CLCN7: variants seen among roughly 807,000 people sequenced by gnomAD.
The protein encoded by CLCN7 is Cl-/H+ antiporter 7.
Under a neutral mutation model 102.1 loss-of-function variants are expected in CLCN7, and 60 were observed. The ratio of observed to expected loss-of-function variants is 0.59; its 90% CI spans 0.48 to 0.73. CLCN7 has a LOEUF of 0.73. CLCN7 is among the 30% of genes least tolerant of loss of function. The probability of loss-of-function intolerance (pLI) is 0.00; values close to 1 mark genes in which losing one functional copy is unlikely to be tolerated. For missense variants in CLCN7, 962 were observed against 1,125.7 expected (o/e 0.85, Z 2.08); for synonymous variants, 560 against 490.5 (o/e 1.14, Z -1.87).
At position 1,449,095 on chromosome 16, in the gene CLCN7, T is replaced by TG; in HGVS notation, c.1670-3dup. ...TCAGTGTCATCCGCACAATCCCGCC[T>TG]GCGGGAGCCATCATGAACCCCAGCA... is the stretch of plus-strand genomic sequence containing the variant. On this transcript the variant is annotated splice_region_variant and splice_polypyrimidine_tract_variant and intron_variant, in intron 18 of 24. Transcript: ENST00000382745. 2 of 1,612,782 alleles carry TG rather than the reference T, an allele frequency of 1.2e-6. No individual in the cohort carries two copies. Among genetic ancestry groups the TG allele is most frequent in the Non-Finnish European group, 1.7e-6 (2 of 1,179,970 alleles).
intron 7 of CLCN7, among the ~76,000 whole-genome samples, chr16:1,458,050 A>G (rs2038866593): frequency 8.9e-6 from 1 of 111,864 alleles, no homozygotes; most frequent in Non-Finnish European, 1.9e-5. Flanking sequence ...CGCCCACCGC[A>G]TCCTACAGGC....
intron 1 of CLCN7, among the ~76,000 whole-genome samples, chr16:1,467,411 G>C (rs1477199287): frequency 2.0e-5 from 3 of 152,174 alleles, no homozygotes; most frequent in Non-Finnish European, 4.4e-5. Context: ...CTGCCACACG[G>C]GCTGACGGTG....
chr16:1,456,602 G>T (rs1047068044), intron 9 of CLCN7, among the ~76,000 whole-genome samples: 1 of 152,190 alleles, frequency 6.6e-6, no homozygotes, highest in Non-Finnish European at 1.5e-5. Flanking sequence ...ACTTTGGGAG[G>T]CCGAGGCAGG....
chr16:1,457,232 C>T lies in CLCN7; in HGVS notation c.822+22G>A, dbSNP rs1342376926. 6.2e-7 allele frequency: 1 copy of T among 1,609,114 alleles called. No individual in the cohort carries two copies. Among genetic ancestry groups the T allele is most frequent in the East Asian group, 2.2e-5 (1 of 44,840 alleles). On this transcript the variant is annotated intron_variant, in intron 9 of 24. Transcript: ENST00000382745. The surrounding 1 kb of genome is among the most constrained non-coding windows in gnomAD (Gnocchi z 5.4). ...CCGTGCCCATGGCATCTGGAGCCCA[C>T]CCACACAAGATTTCAACTCACCTTG...
Position 1,453,878 on chromosome 16 carries a change from T to C in CLCN7, c.1170A>G (p.Ala390=), listed in dbSNP as rs2235579. Residue 390 remains alanine, a synonymous_variant, in exon 14 of 25, where the codon GCA becomes GCG. Coordinates refer to ENST00000382745, the MANE Select transcript of CLCN7 (RefSeq NM_001287.6). ...GCCAGTAGTTCAAGGCATTGAACAC[T>C]GCTCCAAGCACACCGCCTGCGAACA... ...AMGVVGGVLG[A]VFNALNYWLT... The C allele has an allele frequency of 1.9e-6, 3 of 1,613,008 alleles. No homozygotes were observed. Among genetic ancestry groups the C allele is most frequent in the South Asian group, 2.2e-5 (2 of 91,094 alleles).
At chr16:1,459,078 C>T (rs1425283040) in intron 7 of CLCN7, 29 bp downstream of exon 7, 9 of 1,591,006 alleles carry the variant, frequency 5.7e-6, no homozygotes, top group Non-Finnish European at 7.7e-6. Flanking sequence ...GGCGCCCACC[C>T]TGCCCAGCCA....
Position 1,448,720 on chromosome 16 carries a change from T to C in CLCN7, c.1844A>G (p.His615Arg). 6.2e-7 allele frequency: 1 copy of C among 1,612,622 alleles called. No individual in the cohort carries two copies. The highest frequency in any genetic ancestry group is 1.3e-5 in the African/African-American group (1 of 74,994). ...GTGTGAGGTGACCGGGGCCTCCCAG[T>C]GCAGGAAGGGCACACTCTGCAGCTG... ...HIQLQSVPFL[H>R]WEAPVTSHSL... The change falls in exon 20 of 25, where the codon CAC (histidine) becomes CGC (arginine). Residue 615 changes from histidine (H) to arginine (R), a missense_variant. Around this residue, in one of 2 missense-constraint regions of CLCN7, gnomAD observed 799 missense variants for 988.0 expected, o/e 0.81. Coordinates refer to ENST00000382745, the MANE Select transcript of CLCN7 (RefSeq NM_001287.6).
At position 1,457,516 on chromosome 16, in the gene CLCN7, G is replaced by A. The variant is rs560091047; in HGVS notation, c.738+178C>T. On this transcript the variant is annotated intron_variant, in intron 8 of 24. Transcript: ENST00000382745. The surrounding 1 kb of genome is among the most constrained non-coding windows in gnomAD (Gnocchi z 5.4). ...GAGACCAGAAGGACCGGTGCTCAGA[G>A]ACACGCGTGACGCGGCCCTTCCTGG... The A allele has an allele frequency of 0.013, 8,328 of 642,860 alleles. 131 individuals are homozygous for A. The highest frequency in any genetic ancestry group is 0.022 in the South Asian group (1,340 of 61,894). The allele number at this position is 642,860 out of a possible 1,614,324, so 39.8% of individuals were successfully genotyped here. A position where few individuals can be genotyped will look rare whatever the true frequency, so the allele number is the denominator to read the frequency against.
chr16:1,460,780 C>T (rs114599498), intron 5 of CLCN7, 36 bp downstream of exon 5: 2 of 1,613,636 alleles, frequency 1.2e-6, no homozygotes, highest in South Asian at 2.2e-5. Context: ...GCCACGCCCC[C>T]CTCCCAAGCT....
rs375281048 is a variant in CLCN7, at chr16:1,447,532, G to A, written c.2110C>T (p.Arg704Trp). ...VERSNLGLVQ[R>W]RLRLKDFRDA... ...CGGAAGTCCTTCAGCCTCAGGCGCC[G>A]CTGTACCAGGCCCAGGTTGGACCGC... Residue 704 changes from arginine to tryptophan, a missense_variant, in exon 23 of 25, where the codon CGG becomes TGG. By Grantham distance (101) the Arg-to-Trp change is moderately radical. Coordinates refer to ENST00000382745, the MANE Select transcript of CLCN7 (RefSeq NM_001287.6). 253 of 1,555,484 alleles carry A rather than the reference G, an allele frequency of 1.6e-4. No individual in the cohort carries two copies. The highest frequency in any genetic ancestry group is 4.1e-5 in the African/African-American group (3 of 73,258).
Position 1,457,519 on chromosome 16 carries a change from ACG to A in CLCN7, c.738+173_738+174del. ...ACCAGAAGGACCGGTGCTCAGAGAC[ACG>A]CGTGACGCGGCCCTTCCTGGAGACC... On this transcript the variant is annotated intron_variant, in intron 8 of 24. Transcript: ENST00000382745. The surrounding 1 kb of genome is among the most constrained non-coding windows in gnomAD (Gnocchi z 5.4). 3 of 652,174 alleles carry A rather than the reference ACG, an allele frequency of 4.6e-6. No individual in the cohort carries two copies. Among genetic ancestry groups the A allele is most frequent in the Non-Finnish European group, 8.5e-6 (3 of 354,982 alleles). 40.4% of individuals were successfully genotyped at this position (652,174 alleles called of 1,614,324 possible). A position where few individuals can be genotyped will look rare whatever the true frequency, so the allele number is the denominator to read the frequency against.
intron 1 of CLCN7, among the ~76,000 whole-genome samples, chr16:1,473,326 T>C (rs901681412): frequency 1.3e-5 from 2 of 151,490 alleles, no homozygotes; most frequent in Non-Finnish European, 2.9e-5. Context: ...AAAACCTAAA[T>C]GTAGGTTCTA....
chr16:1,450,475 C>A, intron 17 of CLCN7, 22 bp downstream of exon 17: 1 of 1,578,768 alleles, frequency 6.3e-7, no homozygotes, highest in East Asian at 2.3e-5. Flanking sequence ...GGCCCCACAG[C>A]CTCCCCTCCG....
In CLCN7 at chr16:1,457,422, C is replaced by T. The variant is rs569495063; in HGVS notation, c.739-85G>A. On this transcript the variant is annotated intron_variant, in intron 8 of 24. Coordinates refer to ENST00000382745, the MANE Select transcript of CLCN7 (RefSeq NM_001287.6). The surrounding 1 kb of genome is among the most constrained non-coding windows in gnomAD (Gnocchi z 5.4). Reference sequence around the variant, plus strand: ...AGAAGGACCGATGCTCAGAGACACGCGTGACGCGGCCCTTCCTGGAGACCA... The same window carrying T: ...AGAAGGACCGATGCTCAGAGACACGTGTGACGCGGCCCTTCCTGGAGACCA... The T allele has an allele frequency of 2.9e-4, 330 of 1,154,840 alleles. No individual in the cohort carries two copies. Among genetic ancestry groups the T allele is most frequent in the Middle Eastern group, 6.5e-4 (3 of 4,648 alleles). The allele number at this position is 1,154,840 out of a possible 1,614,324, so 71.5% of individuals were successfully genotyped here. A position where few individuals can be genotyped will look rare whatever the true frequency, so the allele number is the denominator to read the frequency against.
In CLCN7 at chr16:1,448,391, G is replaced by A. The variant is rs182360535; in HGVS notation, c.1977C>T (p.Asn659=). 105 of 1,612,758 alleles carry A rather than the reference G, an allele frequency of 6.5e-5. No homozygotes were observed. The highest frequency in any genetic ancestry group is 3.6e-4 in the African/African-American group (27 of 75,048). The change falls in exon 21 of 25, where the codon AAC becomes AAT. Residue 659 remains asparagine (N), a synonymous_variant. Transcript: ENST00000382745. The part of the protein sequence containing the change: ...DVLSDTASNH[N]GFPVVEHADD... Reference sequence around the variant, plus strand: ...CGGCATGCTCCACCACGGGGAAGCCGTTGTGATTGGACGCCGTGTCGCTCA... The same window carrying A: ...CGGCATGCTCCACCACGGGGAAGCCATTGTGATTGGACGCCGTGTCGCTCA...
rs2038792793 is a variant in CLCN7 at position 1,453,886 on chromosome 16, G to C, written c.1162C>G (p.Leu388Val). The C allele has an allele frequency of 2.5e-6, 4 of 1,613,104 alleles. No individual in the cohort carries two copies. Among genetic ancestry groups the C allele is most frequent in the Non-Finnish European group, 3.4e-6 (4 of 1,180,044 alleles). ...FIAMGVVGGV[L>V]GAVFNALNYW... ...TTCAAGGCATTGAACACTGCTCCAA[G>C]CACACCGCCTGCGAACAGGGGAAAG... is the stretch of plus-strand genomic sequence containing the variant. The change falls in exon 14 of 25, where the codon CTT becomes GTT. Residue 388 changes from leucine to valine, a missense_variant. Around this residue, in one of 2 missense-constraint regions of CLCN7, gnomAD observed 799 missense variants for 988.0 expected, o/e 0.81. Transcript: ENST00000382745.
At chr16:1,461,699 G>A in intron 2 of CLCN7, 25 bp from the exon 3 acceptor site, 2 of 1,605,372 alleles carry the variant, frequency 1.2e-6, no homozygotes, top group Non-Finnish European at 1.7e-6. Flanking sequence ...GGCAAAGAGA[G>A]AAGCACAGTT....
At chr16:1,454,579 C>T (rs532417668) in intron 12 of CLCN7, 114 bp from the exon 13 acceptor site, 161 of 990,400 alleles carry the variant, frequency 1.6e-4, no homozygotes, top group Non-Finnish European at 2.3e-4. Flanking sequence ...AGAGCCTTCC[C>T]GCCCTTCCAC....
In CLCN7 at chr16:1,448,188, G is replaced by C. The variant is rs539741237; in HGVS notation, c.2013+167C>G. The C allele has an allele frequency of 8.4e-6, 8 of 948,008 alleles. No homozygotes were observed. The East Asian group carries it at 2.1e-4, about 25-fold the overall frequency. The allele number at this position is 948,008 out of a possible 1,614,324, so 58.7% of individuals were successfully genotyped here. A position where few individuals can be genotyped will look rare whatever the true frequency, so the allele number is the denominator to read the frequency against. Reference sequence around the variant, plus strand: ...CGCAGCCCCCCCCACCAGCCTCAGCGTCCACACAGCCCTCCATGGCTGCAC... The same window carrying C: ...CGCAGCCCCCCCCACCAGCCTCAGCCTCCACACAGCCCTCCATGGCTGCAC... On this transcript the variant is annotated intron_variant, in intron 21 of 24. Transcript: ENST00000382745.
Sources: gnomAD v4.1 joint callset for allele counts (sites outside exome capture counted in the v4.1 genomes callset) on GRCh38, gnomAD v4.1.1 for gene constraint, gnomAD v4.1.1 regional missense constraint, Gnocchi (gnomAD v3.1) non-coding constraint, MANE v1.5 for transcripts, NCBI Gene and HGNC (gene_info 2026-07-23, HGNC 2026-07-21) for gene names.